The following DYNC2I1 variants were observed in gnomAD, a reference collection of about 807,000 sequenced individuals.
The protein encoded by DYNC2I1 is dynein 2 intermediate chain 1.
DYNC2I1 carries 89 observed loss-of-function variants against 133.4 expected under a neutral mutation model. The observed-to-expected ratio is 0.67, with a 90% CI of 0.56 to 0.80. The LOEUF is 0.80. Among genes scored for constraint, DYNC2I1 ranks in the 30% least tolerant of loss-of-function variants. DYNC2I1 has a pLI of 0.00. For synonymous variants in DYNC2I1, 504 were observed against 484.3 expected, an observed-to-expected ratio of 1.04 and a Z score of -0.54; for missense variants, 1,291 against 1,314.5, an observed-to-expected ratio of 0.98 and a Z score of 0.28.
In DYNC2I1 at chr7:158,929,837, G is replaced by A. The variant is rs114394352; in HGVS notation, c.2486-618G>A. ...GGAGGCAAAACCAGTGGGTGGCCGAGGAGCCAGCGCTGTAGCCATGAACGC... is the reference window on the plus strand; with the variant it reads ...GGAGGCAAAACCAGTGGGTGGCCGAAGAGCCAGCGCTGTAGCCATGAACGC... On this transcript the variant is annotated intron_variant, in intron 20 of 24. Coordinates refer to ENST00000407559, the MANE Select transcript of DYNC2I1 (RefSeq NM_018051.5). Among the ~76,000 whole-genome samples, 777 of 152,372 alleles carry A rather than the reference G, an allele frequency of 5.1e-3. 2 individuals carry two copies. The highest frequency in any genetic ancestry group is 0.017 in the African/African-American group (709 of 41,582).
At chr7:158,916,905 G>C (rs369010813) in intron 14 of DYNC2I1, among the ~76,000 whole-genome samples, 3 of 66,956 alleles carry the variant, frequency 4.5e-5, no homozygotes, top group Non-Finnish European at 1.0e-4. Flanking sequence ...CCTCGACACG[G>C]TGGTTGAGAT....
In DYNC2I1 at chr7:158,945,976, C is replaced by T. The variant is rs1481066745; in HGVS notation, c.*197C>T. ...CTTTTGAGTGGAAACAAAGAACATTCTAGCATTTACAAAACTTCCAGGGGA... is the reference window on the plus strand; with the variant it reads ...CTTTTGAGTGGAAACAAAGAACATTTTAGCATTTACAAAACTTCCAGGGGA... On this transcript the variant is annotated 3_prime_UTR_variant, in exon 25 of 25. Coordinates refer to ENST00000407559, the MANE Select transcript of DYNC2I1 (RefSeq NM_018051.5). The surrounding 1 kb of genome is among the most constrained non-coding windows in gnomAD (Gnocchi z 4.1). 3 of 533,578 alleles carry T rather than the reference C, an allele frequency of 5.6e-6. No homozygotes were observed. Among genetic ancestry groups the T allele is most frequent in the Non-Finnish European group, 8.7e-6 (3 of 344,018 alleles). 33.1% of individuals were successfully genotyped at this position (533,578 alleles called of 1,614,324 possible). A position where few individuals can be genotyped will look rare whatever the true frequency, so the allele number is the denominator to read the frequency against.
In DYNC2I1 at chr7:158,912,996, G is replaced by A. The variant is rs1263804332; in HGVS notation, c.1602G>A (p.Gln534=). The change falls in exon 13 of 25, where the codon CAG becomes CAA. Residue 534 remains glutamine, a synonymous_variant. Coordinates refer to ENST00000407559, the MANE Select transcript of DYNC2I1 (RefSeq NM_018051.5). ...TTTTTGTTTTTAAGGCATATGTTCAGTGTAACGAAGATAATGTTGAAAGAG... is the reference window on the plus strand; with the variant it reads ...TTTTTGTTTTTAAGGCATATGTTCAATGTAACGAAGATAATGTTGAAAGAG... ...GKKNTKQAYV[Q]CNEDNVERDI... is the part of the protein sequence containing the mutation. The A allele has an allele frequency of 6.2e-7, 1 of 1,611,714 alleles. No individual in the cohort carries two copies. Among genetic ancestry groups the A allele is most frequent in the East Asian group, 2.2e-5 (1 of 44,816 alleles).
intron 3 of DYNC2I1, among the ~76,000 whole-genome samples, chr7:158,873,767 T>A (rs1397298492): frequency 4.6e-5 from 7 of 152,090 alleles, no homozygotes; most frequent in South Asian, 2.1e-4. Context: ...AATTTATTAT[T>A]CTTTTTGGAG....
intron 14 of DYNC2I1, among the ~76,000 whole-genome samples, chr7:158,917,971 C>T (rs969586286): frequency 5.3e-5 from 8 of 152,140 alleles, no homozygotes; most frequent in African/African-American, 1.9e-4. Context: ...CTCTGCCTTC[C>T]TCACTCCCAT....
chr7:158,881,332 C>T (rs778650598), intron 5 of DYNC2I1, among the ~76,000 whole-genome samples: 49 of 152,314 alleles, frequency 3.2e-4, no homozygotes, highest in East Asian at 5.8e-4. Flanking sequence ...CTGCTACCCG[C>T]GTCTACGGTG....
intron 4 of DYNC2I1, among the ~76,000 whole-genome samples, chr7:158,952,003 C>T (rs1028507138): frequency 1.3e-5 from 2 of 152,204 alleles, no homozygotes; most frequent in African/African-American, 2.4e-5. Context: ...CTCTCACCAC[C>T]ACCAAACCTC....
intron 23 of DYNC2I1, among the ~76,000 whole-genome samples, chr7:158,935,951 G>A (rs117018779): frequency 1.2e-3 from 183 of 152,194 alleles, no homozygotes; most frequent in Non-Finnish European, 2.2e-3. Context: ...CCAGCACTTC[G>A]GGCATCCCAG....
At chr7:158,956,121 C>T (rs1244833698) in intron 4 of DYNC2I1, among the ~76,000 whole-genome samples, 1 of 152,174 alleles carries the variant, frequency 6.6e-6, no homozygotes, top group Non-Finnish European at 1.5e-5. Flanking sequence ...GCGTCTAGAC[C>T]GGGAGGCGGC....
At chr7:158,926,671 C>G (rs1849661042) in intron 19 of DYNC2I1, among the ~76,000 whole-genome samples, 1 of 152,230 alleles carries the variant, frequency 6.6e-6, no homozygotes, top group Non-Finnish European at 1.5e-5. Context: ...AATAGGGACT[C>G]TCACACAGGG....
At chr7:158,950,716 G>C (rs535216742), downstream of DYNC2I1, among the ~76,000 whole-genome samples, 1 of 149,860 alleles carries the variant, frequency 6.7e-6, no homozygotes, top group African/African-American at 2.5e-5. Flanking sequence ...TATGATTCCA[G>C]GTGTTCTATA....
At chr7:158,937,873 C>T (rs567686928) in intron 23 of DYNC2I1, among the ~76,000 whole-genome samples, 1 of 152,038 alleles carries the variant, frequency 6.6e-6, no homozygotes, top group Non-Finnish European at 1.5e-5. Context: ...GTCCTCCAGC[C>T]TGGGTGACAG....
In DYNC2I1 at chr7:158,925,767, C is replaced by G. The variant is rs577046096; in HGVS notation, c.2258-420C>G. On this transcript the variant is annotated intron_variant, in intron 17 of 24. Transcript: ENST00000407559. Reference sequence around the variant, plus strand: ...GGAGGTCTCCCCCATTTCCTGTTCACGTCCCCCTTCCCATCGGCCGTGCTG... The same window carrying G: ...GGAGGTCTCCCCCATTTCCTGTTCAGGTCCCCCTTCCCATCGGCCGTGCTG... Among the ~76,000 whole-genome samples, 4 of 152,280 alleles carry G rather than the reference C, an allele frequency of 2.6e-5. No individual in the cohort carries two copies. The South Asian group carries it at 6.2e-4, about 24-fold the overall frequency.
At chr7:158,942,832 G>A (rs1260623798) in intron 24 of DYNC2I1, among the ~76,000 whole-genome samples, 2 of 152,220 alleles carry the variant, frequency 1.3e-5, no homozygotes, top group East Asian at 3.8e-4. Flanking sequence ...GGGCGTGCAT[G>A]TCAGTTCACG....
At chr7:158,886,983 T>G (rs1053835852) in intron 6 of DYNC2I1, 38 bp from the exon 7 acceptor site, 8 of 1,589,104 alleles carry the variant, frequency 5.0e-6, no homozygotes, top group Admixed American at 1.7e-5. Context: ...AGCTCTCATT[T>G]AAAGTAAGTT....
In DYNC2I1 at chr7:158,945,912, A is replaced by C; in HGVS notation, c.*133A>C. The C allele has an allele frequency of 1.1e-6, 1 of 889,460 alleles. No homozygotes were observed. The highest frequency in any genetic ancestry group is 1.5e-6 in the Non-Finnish European group (1 of 652,114). The allele number at this position is 889,460 out of a possible 1,614,324, so 55.1% of individuals were successfully genotyped here. A position where few individuals can be genotyped will look rare whatever the true frequency, so the allele number is the denominator to read the frequency against. ...ATATTCTGTATATAATTTATTTTAC[A>C]TGAATATGTCTTTGGTATTCCCAGT... On this transcript the variant is annotated 3_prime_UTR_variant, in exon 25 of 25. Transcript: ENST00000407559. This position sits in a 1 kb window ranked among gnomAD's most constrained non-coding sequence, Gnocchi z 4.1.
At position 158,915,132 on chromosome 7, in the gene DYNC2I1, G is replaced by A. The variant is rs888955711; in HGVS notation, c.1791+811G>A. On this transcript the variant is annotated intron_variant, in intron 14 of 24. Transcript: ENST00000407559. ...GATGATTGTAAAACCTTGACACGCT[G>A]GTTGAGATTAAGGATGATTGTGAAA... is the stretch of plus-strand genomic sequence containing the variant. 1.9e-3 allele frequency among the ~76,000 whole-genome samples: 290 copies of A among 150,666 alleles called. 6 individuals are homozygous for A. The highest frequency in any genetic ancestry group is 5.9e-3 in the African/African-American group (243 of 40,930).
At chr7:158,884,291 C>T (rs578170732) in intron 5 of DYNC2I1, among the ~76,000 whole-genome samples, 10 of 152,198 alleles carry the variant, frequency 6.6e-5, no homozygotes, top group South Asian at 4.1e-4. Flanking sequence ...GTGATGCGCC[C>T]GCCTTGGCCT....
rs1377404536 is a variant in DYNC2I1, at chr7:158,937,498, C to T, written c.2778+2949C>T. Among the ~76,000 whole-genome samples the T allele has an allele frequency of 5.3e-5, 8 of 151,896 alleles. No homozygotes were observed. In the East Asian group the frequency reaches 5.8e-4, roughly 11 times the overall value. On this transcript the variant is annotated intron_variant, in intron 23 of 24. Transcript: ENST00000407559. ...AAAATTAGCCTGGCGTGGTGGCGGG[C>T]GCCTGTAGTCCCAGCTACTTGGGAG...
Sources: allele counts gnomAD v4.1 joint callset (sites outside exome capture counted in the v4.1 genomes callset), GRCh38; gene constraint gnomAD v4.1.1; non-coding constraint Gnocchi (gnomAD v3.1); transcripts MANE v1.5; gene names NCBI Gene and HGNC (gene_info 2026-07-23, HGNC 2026-07-21).